Variants in ZNF385D observed in about 807,000 individuals in gnomAD.
ZNF385D encodes zinc finger protein 385D.
Under a neutral mutation model 35.8 loss-of-function variants are expected in ZNF385D, and 15 were observed. That is an observed-to-expected ratio of 0.42 (90% CI 0.28 to 0.64). The LOEUF (loss-of-function observed/expected upper bound fraction) is 0.64. Among genes scored for constraint, ZNF385D ranks in the 30% least tolerant of loss-of-function variants. ZNF385D has a pLI of 0.23. For synonymous variants in ZNF385D, 212 were observed against 186.8 expected, an observed-to-expected ratio of 1.13 and a Z score of -1.10; for missense variants, 474 against 494.6, an observed-to-expected ratio of 0.96 and a Z score of 0.39.
At chr3:22,024,525 A>G (rs1419728372) in intron 3 of ZNF385D, among the ~76,000 whole-genome samples, 2 of 152,074 alleles carry the variant, frequency 1.3e-5, no homozygotes, top group Non-Finnish European at 2.9e-5. Context: ...TGGAGAACTA[A>G]TAGTATAATA....
At chr3:22,222,520 C>A (rs1449745084) in intron 2 of ZNF385D, among the ~76,000 whole-genome samples, 1 of 152,144 alleles carries the variant, frequency 6.6e-6, no homozygotes, top group Non-Finnish European at 1.5e-5. Context: ...AGAAATGCAG[C>A]AATCAACTTC....
intron 2 of ZNF385D, among the ~76,000 whole-genome samples, chr3:21,661,896 C>T (rs117644180): frequency 6.6e-6 from 1 of 152,236 alleles, no homozygotes; most frequent in East Asian, 1.9e-4. Context: ...ATGGTTTATG[C>T]TCTTGTGGAA....
chr3:21,599,584 T>C (rs903931813), intron 2 of ZNF385D, among the ~76,000 whole-genome samples: 8 of 152,190 alleles, frequency 5.3e-5, no homozygotes, highest in African/African-American at 1.9e-4. Context: ...TTATTCTTCC[T>C]GTTTAACAGA....
At chr3:21,808,124 A>G (rs551964122) in intron 3 of ZNF385D, among the ~76,000 whole-genome samples, 4 of 152,360 alleles carry the variant, frequency 2.6e-5, no homozygotes, top group African/African-American at 9.6e-5. Flanking sequence ...GAAAAGTCAT[A>G]TACAAAATAG....
chr3:21,773,964 G>A (rs1410520322), intron 3 of ZNF385D, among the ~76,000 whole-genome samples: 4 of 151,974 alleles, frequency 2.6e-5, no homozygotes, highest in Admixed American at 6.6e-5. Flanking sequence ...AAAGATACAT[G>A]CACACATATG....
At chr3:21,431,736 T>C (rs987323466) in intron 5 of ZNF385D, among the ~76,000 whole-genome samples, 1 of 152,132 alleles carries the variant, frequency 6.6e-6, no homozygotes, top group Non-Finnish European at 1.5e-5. Context: ...TCTATCTTTA[T>C]TTTCAATTAA....
chr3:21,700,356 G>A (rs899626704), intron 1 of ZNF385D, among the ~76,000 whole-genome samples: 7 of 152,148 alleles, frequency 4.6e-5, no homozygotes, highest in African/African-American at 1.7e-4. Context: ...TTTATGCTAA[G>A]CAACTTAAAA....
intron 3 of ZNF385D, among the ~76,000 whole-genome samples, chr3:21,926,920 C>G (rs1700756781): frequency 2.0e-5 from 3 of 152,218 alleles, no homozygotes; most frequent in African/African-American, 7.2e-5. Context: ...GGGCTAATAT[C>G]CAGAATCTAC....
chr3:21,577,868 G>A (rs2063540354), intron 2 of ZNF385D, among the ~76,000 whole-genome samples: 1 of 145,294 alleles, frequency 6.9e-6, no homozygotes, highest in Non-Finnish European at 1.5e-5. Flanking sequence ...AGAATGATGT[G>A]TTGCAATCTC....
intron 2 of ZNF385D, among the ~76,000 whole-genome samples, chr3:21,613,518 ATCC>A (rs2064751509): frequency 6.6e-6 from 1 of 152,174 alleles, no homozygotes; most frequent in Admixed American, 6.5e-5. Flanking sequence ...TTCACAGAAA[ATCC>A]TCCTCTGTGG....
At chr3:21,926,387 G>C (rs923399731) in intron 3 of ZNF385D, among the ~76,000 whole-genome samples, 16 of 152,066 alleles carry the variant, frequency 1.1e-4, no homozygotes, top group Non-Finnish European at 2.2e-4. Flanking sequence ...TGCAGTGTTT[G>C]GTTTTCTGTT....
chr3:21,752,066 G>T (rs561486681), upstream of ZNF385D, among the ~76,000 whole-genome samples: 27 of 124,656 alleles, frequency 2.2e-4, no homozygotes, highest in African/African-American at 8.5e-4. Flanking sequence ...TGAGATGAAC[G>T]GTCAAGAAAG....
At chr3:21,810,988 G>C (rs1181469961) in intron 3 of ZNF385D, among the ~76,000 whole-genome samples, 3 of 98,638 alleles carry the variant, frequency 3.0e-5, no homozygotes, top group African/African-American at 1.2e-4. Context: ...GTGTGTGTGT[G>C]TGTGTGTGTG....
chr3:21,830,587 T>C (rs996873814), intron 3 of ZNF385D, among the ~76,000 whole-genome samples: 3 of 152,222 alleles, frequency 2.0e-5, no homozygotes, highest in African/African-American at 7.2e-5. Context: ...TTTGTTTTCT[T>C]TCCTTCTTTC....
intron 2 of ZNF385D, among the ~76,000 whole-genome samples, chr3:21,602,824 C>T (rs1391876671): frequency 2.0e-5 from 3 of 152,012 alleles, no homozygotes; most frequent in Non-Finnish European, 2.9e-5. Context: ...TGAGCCACCG[C>T]GCCCGGCCTC....
chr3:22,355,749 G>A (rs1273970427), intron 2 of ZNF385D, among the ~76,000 whole-genome samples: 3 of 151,944 alleles, frequency 2.0e-5, no homozygotes, highest in Non-Finnish European at 4.4e-5. Context: ...CATCTATAGA[G>A]TATAAGAAAG....
intron 3 of ZNF385D, among the ~76,000 whole-genome samples, chr3:22,109,245 A>T (rs1426424932): frequency 2.0e-5 from 3 of 152,102 alleles, no homozygotes; most frequent in African/African-American, 7.2e-5. Context: ...AGTCCTACAC[A>T]TTTCATTCAT....
At chr3:22,024,286 GTTAATAC>G (rs761350435) in intron 3 of ZNF385D, among the ~76,000 whole-genome samples, 17 of 152,000 alleles carry the variant, frequency 1.1e-4, no homozygotes, top group Non-Finnish European at 2.1e-4. Flanking sequence ...GATCGTGTAA[GTTAATAC>G]TTAATAAACT....
chr3:21,773,460 A>T (rs564778088), intron 3 of ZNF385D, among the ~76,000 whole-genome samples: 1 of 151,974 alleles, frequency 6.6e-6, no homozygotes, highest in Non-Finnish European at 1.5e-5. Context: ...GGCAAAGGAA[A>T]CTACATCAGA....
Sources: gnomAD v4.1 joint callset for allele counts (sites outside exome capture counted in the v4.1 genomes callset) on GRCh38, gnomAD v4.1.1 for gene constraint, MANE v1.5 for transcripts, NCBI Gene and HGNC (gene_info 2026-07-23, HGNC 2026-07-21) for gene names.